Variants in ACSS3 observed in about 807,000 individuals in gnomAD.
ACSS3 encodes acyl-CoA synthetase short chain family member 3.
A neutral mutation model predicts 84.2 loss-of-function variants in ACSS3; 64 were observed. That is an observed-to-expected ratio of 0.76 (90% CI 0.62 to 0.94). The LOEUF (loss-of-function observed/expected upper bound fraction) is 0.94, where lower values mean the gene tolerates loss of function less well. Ranked by LOEUF, ACSS3 falls within the 40% of genes least tolerant of loss-of-function variation. The pLI is 0.00. For synonymous variants in ACSS3, 317 were observed against 310.1 expected, an observed-to-expected ratio of 1.02 and a Z score of -0.23; for missense variants, 815 against 867.6, an observed-to-expected ratio of 0.94 and a Z score of 0.76.
chr12:81,179,271 C>CAAAAAAAAAAAAAAAAAGA (rs2030728534), intron 8 of ACSS3, among the ~76,000 whole-genome samples: 2 of 66,780 alleles, frequency 3.0e-5, no homozygotes, highest in South Asian at 5.3e-4. Flanking sequence ...AAGTAATTGC[C>CAAAAAAAAAAAAAAAAAGA]AAAAAAAAAA....
intron 2 of ACSS3, among the ~76,000 whole-genome samples, chr12:81,127,629 A>G (rs1885193841): frequency 6.6e-6 from 1 of 152,118 alleles, no homozygotes; most frequent in East Asian, 1.9e-4. Context: ...AATTAGTTTT[A>G]TTTTTTGTTA....
chr12:81,151,462 G>T (rs1886605303), intron 5 of ACSS3, among the ~76,000 whole-genome samples: 2 of 152,136 alleles, frequency 1.3e-5, no homozygotes, highest in African/African-American at 4.8e-5. Context: ...TGCATTTGAG[G>T]TGTATAACTA....
At chr12:81,212,680 G>A (rs767710754) in intron 9 of ACSS3, among the ~76,000 whole-genome samples, 1 of 152,032 alleles carries the variant, frequency 6.6e-6, no homozygotes, top group Non-Finnish European at 1.5e-5. Context: ...TTGGTATATA[G>A]CATAATTCAT....
chr12:81,149,758 G>A (rs995617260), intron 5 of ACSS3, among the ~76,000 whole-genome samples: 1 of 152,028 alleles, frequency 6.6e-6, no homozygotes, highest in African/African-American at 2.4e-5. Context: ...AATCTTTGAC[G>A]GCAACCTCTA....
intron 11 of ACSS3, among the ~76,000 whole-genome samples, chr12:81,221,545 C>A (rs1269103037): frequency 1.3e-5 from 2 of 152,040 alleles, no homozygotes; most frequent in African/African-American, 4.8e-5. Context: ...TGATGTAATT[C>A]TTCTCATGCT....
chr12:81,079,411 C>G (rs778124205), intron 1 of ACSS3, among the ~76,000 whole-genome samples: 1 of 152,028 alleles, frequency 6.6e-6, no homozygotes, highest in Non-Finnish European at 1.5e-5. Flanking sequence ...AAACACTGCT[C>G]AGCAATGAGA....
At chr12:81,190,912 T>C (rs891849893) in intron 8 of ACSS3, among the ~76,000 whole-genome samples, 6 of 152,092 alleles carry the variant, frequency 3.9e-5, no homozygotes, top group Admixed American at 3.9e-4. Context: ...TTTTTAAGTG[T>C]CAAATAATTC....
chr12:81,238,777 T>C (rs2033705333), intron 13 of ACSS3, among the ~76,000 whole-genome samples: 1 of 151,712 alleles, frequency 6.6e-6, no homozygotes, highest in East Asian at 1.9e-4. Context: ...GGCTAGAGGT[T>C]TATTGATTTT....
chr12:81,230,574 G>C (rs1331733923), intron 11 of ACSS3, among the ~76,000 whole-genome samples: 2 of 151,924 alleles, frequency 1.3e-5, no homozygotes, highest in East Asian at 3.9e-4. Context: ...ATTCCCAGCG[G>C]AGGGAGGCAT....
chr12:81,132,653 T>G (rs1181335831), intron 2 of ACSS3, among the ~76,000 whole-genome samples: 1 of 152,190 alleles, frequency 6.6e-6, no homozygotes, highest in Middle Eastern at 3.2e-3. Context: ...ATCTTAGTTA[T>G]TTTTTAATCT....
chr12:81,084,411 G>A (rs768142932), intron 1 of ACSS3, among the ~76,000 whole-genome samples: 7 of 152,140 alleles, frequency 4.6e-5, no homozygotes, highest in Non-Finnish European at 1.0e-4. Flanking sequence ...TACACATAGT[G>A]ACTTTTTGGC....
chr12:81,083,860 CT>C (rs1881150997), intron 1 of ACSS3, among the ~76,000 whole-genome samples: 1 of 152,018 alleles, frequency 6.6e-6, no homozygotes. Context: ...ATCCTAGCTA[CT>C]TGGGAGACTG....
At chr12:81,137,261 T>G (rs1298890513) in intron 3 of ACSS3, among the ~76,000 whole-genome samples, 1 of 151,334 alleles carries the variant, frequency 6.6e-6, no homozygotes, top group African/African-American at 2.4e-5. Context: ...GAAATTACAA[T>G]ATGTAAAACA....
At chr12:81,228,644 A>G (rs1163965418) in intron 11 of ACSS3, among the ~76,000 whole-genome samples, 1 of 151,850 alleles carries the variant, frequency 6.6e-6, no homozygotes, top group Non-Finnish European at 1.5e-5. Flanking sequence ...GACTTCTGGA[A>G]AGAATGAGAT....
chr12:81,256,603 ACATAATACT>A lies in ACSS3; in HGVS notation c.*1684_*1692del, dbSNP rs1412340029. ...TTACTATCAAGAGCAGATTGTTGTA[ACATAATACT>A]CAGGATACATGAAATGTATGTGAGA... On this transcript the variant is annotated 3_prime_UTR_variant, in exon 16 of 16. Coordinates refer to ENST00000548058, the MANE Select transcript of ACSS3 (RefSeq NM_024560.4). 1 of 152,180 alleles carries A rather than the reference ACATAATACT, an allele frequency of 6.6e-6. No individual in the cohort carries two copies. Among genetic ancestry groups the A allele is most frequent in the Non-Finnish European group, 1.5e-5 (1 of 68,026 alleles). The allele number at this position is 152,180 out of a possible 1,614,324, so 9.4% of individuals were successfully genotyped here. A position where few individuals can be genotyped will look rare whatever the true frequency, so the allele number is the denominator to read the frequency against.
chr12:81,150,719 T>G (rs1886570132), intron 5 of ACSS3, among the ~76,000 whole-genome samples: 1 of 152,230 alleles, frequency 6.6e-6, no homozygotes, highest in Non-Finnish European at 1.5e-5. Flanking sequence ...TATGTTTTAT[T>G]AGTGGCACCT....
At chr12:81,252,512 C>T (rs1301836675) in intron 13 of ACSS3, among the ~76,000 whole-genome samples, 1 of 151,946 alleles carries the variant, frequency 6.6e-6, no homozygotes, top group African/African-American at 2.4e-5. Flanking sequence ...GCTAGAGAGT[C>T]ACTGAAATAA....
chr12:81,238,039 G>A (rs1042197805), intron 13 of ACSS3, among the ~76,000 whole-genome samples: 6 of 151,592 alleles, frequency 4.0e-5, no homozygotes, highest in South Asian at 2.1e-4. Context: ...CCCTCTATTC[G>A]TAGTATACTT....
rs1330571982 is a variant in ACSS3 at position 81,143,254 on chromosome 12, ACT to A, written c.921+12_921+13del. On this transcript the variant is annotated splice_region_variant and intron_variant, in intron 5 of 15. Transcript: ENST00000548058. Reference sequence around the variant, plus strand: ...CACAACGGGGTTACCTAAGGTACTCACTCTCTTAGAGATAACTATCTATAGCA... The same window carrying A: ...CACAACGGGGTTACCTAAGGTACTCACTCTTAGAGATAACTATCTATAGCA... 6.3e-7 allele frequency: 1 copy of A among 1,576,904 alleles called. No individual in the cohort carries two copies. Among genetic ancestry groups the A allele is most frequent in the Non-Finnish European group, 8.7e-7 (1 of 1,154,364 alleles).
Sources: gnomAD v4.1 joint callset for allele counts (sites outside exome capture counted in the v4.1 genomes callset) on GRCh38, gnomAD v4.1.1 for gene constraint, MANE v1.5 for transcripts, NCBI Gene and HGNC (gene_info 2026-07-23, HGNC 2026-07-21) for gene names.